The following BCHE variants were observed in gnomAD, a reference collection of about 807,000 sequenced individuals.
BCHE encodes the protein butyrylcholinesterase, also known as cholinesterase.
Under a neutral mutation model 51.3 loss-of-function variants are expected in BCHE, and 48 were observed. That is an observed-to-expected ratio of 0.94 (90% CI 0.74 to 1.19). The LOEUF (loss-of-function observed/expected upper bound fraction) is 1.19. Among genes scored for constraint, BCHE ranks in the 50% most tolerant of loss-of-function variants. BCHE has a pLI of 0.00. For missense variants in BCHE, 847 were observed against 708.2 expected (o/e 1.20, Z -2.23); for synonymous variants, 251 against 238.0 (o/e 1.05, Z -0.50).
At chr3:165,821,686 A>G (rs1338376319) in intron 2 of BCHE, among the ~76,000 whole-genome samples, 1 of 151,912 alleles carries the variant, frequency 6.6e-6, no homozygotes. Context: ...GTGTATCTCA[A>G]ATCAGAAACA....
At position 165,830,333 on chromosome 3, in the gene BCHE, A is replaced by G. The variant is rs1389945251; in HGVS notation, c.701T>C (p.Leu234Pro). ...GESAGAASVS[L>P]HLLSPGSHSL... The stretch of plus-strand genomic sequence containing the variant: ...ATGGCTTCCAGGAGAAAGCAAATGC[A>G]GGCTAACTGAAGCTGCTCCTGCACT... Residue 234 changes from leucine to proline, a missense_variant, in exon 2 of 4, where the codon CTG becomes CCG. Leu to Pro is a moderately conservative substitution (Grantham distance 98). Coordinates refer to ENST00000264381, the MANE Select transcript of BCHE (RefSeq NM_000055.4). 1 of 1,614,014 alleles carries G rather than the reference A, an allele frequency of 6.2e-7. No homozygotes were observed. Among genetic ancestry groups the G allele is most frequent in the Admixed American group, 1.7e-5 (1 of 59,976 alleles).
intron 2 of BCHE, among the ~76,000 whole-genome samples, chr3:165,788,463 A>G (rs755667666): frequency 2.0e-5 from 3 of 152,088 alleles, no homozygotes; most frequent in African/African-American, 4.8e-5. Context: ...GTCAAGGAGA[A>G]AATTTCTCCA....
At chr3:165,835,067 ATTGAGTTTTTGAGGAAT>A (rs1300009594) in intron 1 of BCHE, among the ~76,000 whole-genome samples, 1 of 151,854 alleles carries the variant, frequency 6.6e-6, no homozygotes. Context: ...TTTTTGAGGA[ATTGAGTTTTTGAGGAAT>A]TTGAGTTTTT....
intron 2 of BCHE, among the ~76,000 whole-genome samples, chr3:165,820,160 A>C (rs985926257): frequency 1.1e-4 from 16 of 151,316 alleles, no homozygotes; most frequent in African/African-American, 3.4e-4. Flanking sequence ...ACTTGATCAA[A>C]CATATCTCAG....
chr3:165,812,366 C>T (rs1207219083), intron 2 of BCHE, among the ~76,000 whole-genome samples: 4 of 151,096 alleles, frequency 2.6e-5, no homozygotes, highest in Admixed American at 6.6e-5. Context: ...TATTTATCAA[C>T]ATTTTTACTC....
At chr3:165,834,102 T>C (rs1320850354) in intron 1 of BCHE, among the ~76,000 whole-genome samples, 1 of 152,128 alleles carries the variant, frequency 6.6e-6, no homozygotes, top group Non-Finnish European at 1.5e-5. Context: ...GCAAGTACTA[T>C]AGTTGCTACA....
intron 2 of BCHE, among the ~76,000 whole-genome samples, chr3:165,792,447 G>C (rs1713205957): frequency 6.6e-6 from 1 of 152,128 alleles, no homozygotes; most frequent in East Asian, 1.9e-4. Context: ...AGAAATACTT[G>C]AGGGCTGAAT....
chr3:165,823,149 T>C (rs1202057013), intron 2 of BCHE, among the ~76,000 whole-genome samples: 3 of 152,126 alleles, frequency 2.0e-5, no homozygotes, highest in African/African-American at 7.2e-5. Context: ...ACTTCTATTC[T>C]GTAAGAAATC....
chr3:165,826,624 T>A (rs1472028529), intron 2 of BCHE, among the ~76,000 whole-genome samples: 2 of 152,140 alleles, frequency 1.3e-5, no homozygotes, highest in East Asian at 3.9e-4. Flanking sequence ...TTTTACAGTA[T>A]GTACATTATA....
chr3:165,811,222 G>A (rs982968347), intron 2 of BCHE, among the ~76,000 whole-genome samples: 2 of 152,012 alleles, frequency 1.3e-5, no homozygotes, highest in Non-Finnish European at 2.9e-5. Context: ...GGATTAGACC[G>A]CTCCATTTTG....
chr3:165,779,804 G>A (rs1398193199), intron 3 of BCHE, among the ~76,000 whole-genome samples: 1 of 152,082 alleles, frequency 6.6e-6, no homozygotes, highest in Non-Finnish European at 1.5e-5. Flanking sequence ...TCATGGATAG[G>A]AAGAATCAAT....
At chr3:165,790,485 T>G (rs181673456) in intron 2 of BCHE, among the ~76,000 whole-genome samples, 1 of 152,302 alleles carries the variant, frequency 6.6e-6, no homozygotes, top group East Asian at 1.9e-4. Flanking sequence ...GTCATTGTAA[T>G]TACAGGGCTT....
At chr3:165,797,221 C>CTT (rs1713428005) in intron 2 of BCHE, among the ~76,000 whole-genome samples, 1 of 2,672 alleles carries the variant, frequency 3.7e-4, no homozygotes, top group Non-Finnish European at 8.4e-4. Context: ...TCCCTCCTTC[C>CTT]CTCCTTCTTT....
At chr3:165,783,062 G>A (rs1032245047) in intron 3 of BCHE, among the ~76,000 whole-genome samples, 3 of 152,086 alleles carry the variant, frequency 2.0e-5, no homozygotes, top group African/African-American at 7.2e-5. Flanking sequence ...TGGAGGTGAA[G>A]ATAGGAGAGA....
At chr3:165,823,878 C>T (rs1198467424) in intron 2 of BCHE, among the ~76,000 whole-genome samples, 1 of 151,750 alleles carries the variant, frequency 6.6e-6, no homozygotes, top group Non-Finnish European at 1.5e-5. Context: ...CTGCCTCGGC[C>T]TCCCATGTAG....
intron 2 of BCHE, among the ~76,000 whole-genome samples, chr3:165,810,952 A>G (rs1052641970): frequency 6.6e-6 from 1 of 152,126 alleles, no homozygotes; most frequent in African/African-American, 2.4e-5. Context: ...TAAAATACGT[A>G]GTGGAGTGAA....
Position 165,773,323 on chromosome 3 carries a change from C to G in BCHE, c.*59G>C, listed in dbSNP as rs1430550587. 2 of 1,518,018 alleles carry G rather than the reference C, an allele frequency of 1.3e-6. No homozygotes were observed. Among genetic ancestry groups the G allele is most frequent in the South Asian group, 1.2e-5 (1 of 84,828 alleles). The allele number at this position is 1,518,018 out of a possible 1,614,324, so 94.0% of individuals were successfully genotyped here. A position where few individuals can be genotyped will look rare whatever the true frequency, so the allele number is the denominator to read the frequency against. On this transcript the variant is annotated 3_prime_UTR_variant, in exon 4 of 4. Coordinates refer to ENST00000264381, the MANE Select transcript of BCHE (RefSeq NM_000055.4). ...TTTTTAGTAGGTGTGTAAAAAAGCT[C>G]CTGATATTTTTGCCTTGATCTAAAG...
chr3:165,782,155 G>C, intron 3 of BCHE, among the ~76,000 whole-genome samples: 1 of 152,124 alleles, frequency 6.6e-6, no homozygotes, highest in East Asian at 1.9e-4. Context: ...CTATTAATTT[G>C]TTATATTTTT....
chr3:165,792,399 C>T (rs1713204385), intron 2 of BCHE, among the ~76,000 whole-genome samples: 1 of 152,048 alleles, frequency 6.6e-6, no homozygotes, highest in Non-Finnish European at 1.5e-5. Context: ...TTATAAAATA[C>T]TTCTGATTAT....
Sources: gnomAD v4.1 joint callset for allele counts (sites outside exome capture counted in the v4.1 genomes callset) on GRCh38, gnomAD v4.1.1 for gene constraint, MANE v1.5 for transcripts, NCBI Gene and HGNC (gene_info 2026-07-23, HGNC 2026-07-21) for gene names.